ARVCF: variants seen among roughly 807,000 people sequenced by gnomAD.
The protein encoded by ARVCF is splicing regulator ARVCF.
Under a neutral mutation model 90.9 loss-of-function variants are expected in ARVCF, and 66 were observed. The observed-to-expected ratio is 0.73, with a 90% CI of 0.60 to 0.89. The LOEUF (loss-of-function observed/expected upper bound fraction) is 0.89. ARVCF is among the 40% of genes least tolerant of loss of function. The probability of loss-of-function intolerance (pLI) is 0.00; values close to 1 mark genes in which losing one functional copy is unlikely to be tolerated. For synonymous variants in ARVCF, 653 were observed against 603.4 expected (o/e 1.08, Z -1.21); for missense variants, 1,469 against 1,382.3 (o/e 1.06, Z -1.00).
chr22:19,991,889 C>T (rs967960989), intron 2 of ARVCF, among the ~76,000 whole-genome samples: 4 of 152,260 alleles, frequency 2.6e-5, no homozygotes, highest in African/African-American at 9.6e-5. Context: ...CTCAGGCATC[C>T]TCCTGCCCAG....
In ARVCF at chr22:19,981,925, G is replaced by A; in HGVS notation, c.369+8C>T. 6.2e-7 allele frequency: 1 copy of A among 1,611,760 alleles called. No individual in the cohort carries two copies. The highest frequency in any genetic ancestry group is 8.5e-7 in the Non-Finnish European group (1 of 1,179,420). On this transcript the variant is annotated splice_region_variant and intron_variant, in intron 4 of 19. Coordinates refer to ENST00000263207, the MANE Select transcript of ARVCF (RefSeq NM_001670.3). ...GCTCACCCACCCACTGCCTGGGCCT[G>A]GCCATACCTTGGTCTCGGTGCGCCG...
intron 3 of ARVCF, among the ~76,000 whole-genome samples, chr22:19,985,295 A>C (rs1943707092): frequency 6.6e-6 from 1 of 151,924 alleles, no homozygotes; most frequent in South Asian, 2.1e-4. Flanking sequence ...TTGGCTCTTC[A>C]ATCTCTGGTG....
chr22:19,966,949 C>G (rs1422446075), downstream of ARVCF: 2 of 985,420 alleles, frequency 2.0e-6, no homozygotes, highest in East Asian at 1.1e-4. Context: ...ATTAGATTTT[C>G]AGTCCTGCTC....
chr22:19,977,886 G>T, intron 8 of ARVCF, 72 bp downstream of exon 8: 1 of 1,492,094 alleles, frequency 6.7e-7, no homozygotes, highest in Non-Finnish European at 9.1e-7. Context: ...TGCTCCCACA[G>T]TTCCAGCCTC....
chr22:19,999,367 G>A (rs1479655045), intron 2 of ARVCF, among the ~76,000 whole-genome samples: 1 of 152,220 alleles, frequency 6.6e-6, no homozygotes, highest in Non-Finnish European at 1.5e-5. Flanking sequence ...CTGGCCCAGG[G>A]AGAGATCCAT....
At chr22:20,013,888 T>A (rs1193743669) in intron 1 of ARVCF, among the ~76,000 whole-genome samples, 4 of 152,202 alleles carry the variant, frequency 2.6e-5, no homozygotes. Flanking sequence ...TTTTTCTTTT[T>A]TTGAGACGGA....
chr22:20,001,358 C>T (rs1944439556), intron 2 of ARVCF, among the ~76,000 whole-genome samples: 1 of 152,138 alleles, frequency 6.6e-6, no homozygotes, highest in Non-Finnish European at 1.5e-5. Flanking sequence ...CTTACAGCAG[C>T]CTAGTGCCCA....
chr22:19,980,430 C>A (rs748230555), intron 5 of ARVCF, 188 bp from the exon 6 acceptor site: 79 of 895,120 alleles, frequency 8.8e-5, no homozygotes, highest in Non-Finnish European at 1.2e-4. Context: ...AGAACCAATT[C>A]AGAGCCAAAT....
chr22:19,989,933 A>G (rs151084435), intron 3 of ARVCF, among the ~76,000 whole-genome samples: 113 of 152,286 alleles, frequency 7.4e-4, no homozygotes, highest in Admixed American at 1.2e-3. Flanking sequence ...GTCTCCCTGC[A>G]TGTACTTGTT....
chr22:19,998,405 TG>T lies in ARVCF; in HGVS notation c.-18-7594del, dbSNP rs560403881. On this transcript the variant is annotated intron_variant, in intron 2 of 19. Coordinates refer to ENST00000263207, the MANE Select transcript of ARVCF (RefSeq NM_001670.3). ...TGGGAGCCTGTGGCCAAAGGGCCCC[TG>T]GGGGGTAAAGCAGGGCCCGCCGGCC... Among the ~76,000 whole-genome samples, 148 of 152,246 alleles carry T rather than the reference TG, an allele frequency of 9.7e-4. 1 individual carries two copies. In the Middle Eastern group the frequency reaches 0.024, roughly 24 times the overall value.
chr22:19,979,818 C>T lies in ARVCF; in HGVS notation c.1321G>A (p.Asp441Asn). 1 of 1,609,676 alleles carries T rather than the reference C, an allele frequency of 6.2e-7. No homozygotes were observed. The highest frequency in any genetic ancestry group is 1.1e-5 in the South Asian group (1 of 90,516). The change falls in exon 6 of 20, where the codon GAC (aspartate) becomes AAC (asparagine). Residue 441 changes from aspartate to asparagine, a missense_variant. By Grantham distance (23) the Asp-to-Asn change is conservative. Transcript: ENST00000263207. The part of the protein sequence containing the change: ...RDTDNKAAIR[D>N]CGGVPALVRL... The stretch of plus-strand genomic sequence containing the variant: ...ACCAGGGCAGGCACACCACCGCAGT[C>T]CCGGATGGCGGCCTTGTTGTCAGTG...
chr22:20,012,870 GA>G (rs1280024027), intron 1 of ARVCF, among the ~76,000 whole-genome samples: 11 of 152,278 alleles, frequency 7.2e-5, no homozygotes, highest in Non-Finnish European at 1.3e-4. Flanking sequence ...TTGGATAGCT[GA>G]CGGCACAGGG....
intron 5 of ARVCF, chr22:19,980,944 GT>G: frequency 2.2e-6 from 1 of 463,126 alleles, no homozygotes; most frequent in Non-Finnish European, 3.8e-6. Context: ...CTGGGTTCTG[GT>G]TACCCAGAGT....
intron 1 of ARVCF, among the ~76,000 whole-genome samples, chr22:20,014,950 G>A (rs151314235): frequency 2.6e-5 from 4 of 152,294 alleles, no homozygotes; most frequent in Non-Finnish European, 4.4e-5. Context: ...CCACAGAGAT[G>A]CAGAGGGCCC....
chr22:19,988,496 G>A (rs1943905528), intron 3 of ARVCF, among the ~76,000 whole-genome samples: 1 of 152,228 alleles, frequency 6.6e-6, no homozygotes, highest in South Asian at 2.1e-4. Flanking sequence ...CTGGGTGGGC[G>A]TCAGCCCTGT....
intron 1 of ARVCF, among the ~76,000 whole-genome samples, chr22:20,012,440 G>C (rs1944870670): frequency 6.6e-6 from 1 of 152,260 alleles, no homozygotes; most frequent in Non-Finnish European, 1.5e-5. Flanking sequence ...CGACAGACAG[G>C]ACAGTGATGT....
At position 19,978,954 on chromosome 22, in the gene ARVCF, G is replaced by A. The variant is rs1943320937; in HGVS notation, c.1523C>T (p.Ser508Phe). 1.2e-6 allele frequency: 2 copies of A among 1,613,208 alleles called. No individual in the cohort carries two copies. The highest frequency in any genetic ancestry group is 1.3e-5 in the African/African-American group (1 of 74,930). Residue 508 changes from serine to phenylalanine, a missense_variant, in exon 7 of 20, where the codon TCC (serine) becomes TTC (phenylalanine). Ser to Phe is a radical substitution (Grantham distance 155). Coordinates refer to ENST00000263207, the MANE Select transcript of ARVCF (RefSeq NM_001670.3). ...SGWEREPNED[S>F]KPRDAEWTTV... is the part of the protein sequence containing the mutation. Reference sequence around the variant, plus strand: ...TGTCCACTCGGCGTCCCGTGGCTTGGAGTCCTCGTTGGGCTCACGCTCCCA... The same window carrying A: ...TGTCCACTCGGCGTCCCGTGGCTTGAAGTCCTCGTTGGGCTCACGCTCCCA...
At chr22:19,974,706 CAG>C (rs1454120640) in intron 11 of ARVCF, among the ~76,000 whole-genome samples, 2 of 152,144 alleles carry the variant, frequency 1.3e-5, no homozygotes, top group African/African-American at 2.4e-5. Flanking sequence ...TGAAGCTGTG[CAG>C]AGAGCTACGC....
intron 7 of ARVCF, 35 bp downstream of exon 7, chr22:19,978,862 T>G: frequency 6.3e-7 from 1 of 1,585,854 alleles, no homozygotes; most frequent in South Asian, 1.1e-5. Context: ...GGGCCTGGTG[T>G]GCATGTGGGC....
Sources: gnomAD v4.1 joint callset for allele counts (sites outside exome capture counted in the v4.1 genomes callset) on GRCh38, gnomAD v4.1.1 for gene constraint, MANE v1.5 for transcripts, NCBI Gene and HGNC (gene_info 2026-07-23, HGNC 2026-07-21) for gene names.